The following CDH23 variants were observed in gnomAD, a reference collection of about 807,000 sequenced individuals.
CDH23 encodes the protein cadherin related 23.
A neutral mutation model predicts 317.1 loss-of-function variants in CDH23; 189 were observed. The ratio of observed to expected loss-of-function variants is 0.60; its 90% confidence interval spans 0.53 to 0.67. The LOEUF is 0.67. CDH23 is among the 30% of genes least tolerant of loss of function. The pLI, the probability that CDH23 is intolerant of heterozygous loss-of-function variation, is 0.00. For synonymous variants in CDH23, 1,839 were observed against 1,876.8 expected, an observed-to-expected ratio of 0.98 and a Z score of 0.52; for missense variants, 4,401 against 4,592.4, an observed-to-expected ratio of 0.96 and a Z score of 1.20.
intron 1 of CDH23, among the ~76,000 whole-genome samples, chr10:71,433,752 A>G (rs1464404456): frequency 3.6e-5 from 3 of 82,530 alleles, no homozygotes; most frequent in East Asian, 4.5e-4. Flanking sequence ...TTGCACAGCC[A>G]GATCCCCACC....
At position 71,646,585 on chromosome 10, in the gene CDH23, G is replaced by A. The variant is rs771847607; in HGVS notation, c.1417G>A (p.Val473Ile). Reference sequence around the variant, plus strand: ...GTACAACATCAGCCTGTACGAGAACGTCACCGTGGGGACCTCTGTGCTGAC... The same window carrying A: ...GTACAACATCAGCCTGTACGAGAACATCACCGTGGGGACCTCTGTGCTGAC... Reference protein sequence around the residue: ...PLYNISLYENVTVGTSVLTVL... With the variant: ...PLYNISLYENITVGTSVLTVL... Residue 473 changes from valine to isoleucine, a missense_variant, in exon 14 of 70, where the codon GTC (valine) becomes ATC (isoleucine). This residue lies in a region of CDH23 where 3,068 missense variants were observed against 3,203.3 expected (regional missense o/e 0.96). Transcript: ENST00000224721. The A allele has an allele frequency of 1.3e-5, 21 of 1,613,874 alleles. No homozygotes were observed. Among genetic ancestry groups the A allele is most frequent in the African/African-American group, 1.1e-4 (8 of 74,902 alleles).
intron 1 of CDH23, among the ~76,000 whole-genome samples, chr10:71,403,825 C>T (rs986237941): frequency 2.0e-5 from 3 of 152,044 alleles, no homozygotes; most frequent in Non-Finnish European, 2.9e-5. Context: ...CACAGTGGCT[C>T]ATGCCTGTAA....
intron 11 of CDH23, among the ~76,000 whole-genome samples, chr10:71,629,978 T>C (rs1861925716): frequency 6.6e-6 from 1 of 152,230 alleles, no homozygotes; most frequent in Non-Finnish European, 1.5e-5. Flanking sequence ...ATGATGACCT[T>C]TATGTTATAT....
chr10:71,653,306 A>G (rs981383674), intron 14 of CDH23, among the ~76,000 whole-genome samples: 1 of 152,174 alleles, frequency 6.6e-6, no homozygotes, highest in African/African-American at 2.4e-5. Flanking sequence ...GTTGAAGGCA[A>G]GCTTCAATCC....
In CDH23 at chr10:71,724,154, G is replaced by A. The variant is rs1336694014; in HGVS notation, c.3430+49G>A. The stretch of plus-strand genomic sequence containing the variant: ...GGGGGCGGTCCTCCTGCCCAGGGGA[G>A]GGCAGAGCTTCTCTAGGCTGCCAAA... On this transcript the variant is annotated intron_variant, in intron 29 of 69. Coordinates refer to ENST00000224721, the MANE Select transcript of CDH23 (RefSeq NM_022124.6). 2.7e-5 allele frequency: 42 copies of A among 1,541,736 alleles called. No homozygotes were observed. The Middle Eastern group carries it at 5.0e-4, about 18-fold the overall frequency.
chr10:71,702,692 C>T lies in CDH23; in HGVS notation c.2731C>T (p.Gln911Ter). 1 of 1,613,636 alleles carries T rather than the reference C, an allele frequency of 6.2e-7. No individual in the cohort carries two copies. The highest frequency in any genetic ancestry group is 8.5e-7 in the Non-Finnish European group (1 of 1,179,864). ...CATCCCGGCGGGGGTCTCCATCTACCAAGTGAGTCTCTATCATCTCATTCC... is the reference window on the plus strand; with the variant it reads ...CATCCCGGCGGGGGTCTCCATCTACTAAGTGAGTCTCTATCATCTCATTCC... ...EGIPAGVSIY[Q>*]VVAIDLDEGL... is the part of the protein sequence containing the mutation. Residue 911 changes from glutamine (Q) to a stop codon, truncating the protein, a stop_gained and splice_region_variant, in exon 24 of 70, where the codon CAA (glutamine) becomes TAA (stop). Transcript: ENST00000224721. LOFTEE classifies it high-confidence loss of function.
chr10:71,608,325 C>A (rs951730309), intron 9 of CDH23, among the ~76,000 whole-genome samples: 3 of 152,174 alleles, frequency 2.0e-5, no homozygotes, highest in Non-Finnish European at 4.4e-5. Context: ...CTGGGCAGGG[C>A]CAGGTGACCA....
chr10:71,514,535 CT>C lies in CDH23; in HGVS notation c.429+3325del, dbSNP rs141300074. Among the ~76,000 whole-genome samples the C allele has an allele frequency of 5.6e-3, 849 of 152,312 alleles. 38 individuals are homozygous for C. In the East Asian group the frequency reaches 0.12, roughly 22 times the overall value. On this transcript the variant is annotated intron_variant, in intron 6 of 69. Transcript: ENST00000224721. ...GGCATTGCCCCGCTGCCTGCCTCTCCTTGGCCCCCACTCCCTCTGAAAGCCT... is the reference window on the plus strand; with the variant it reads ...GGCATTGCCCCGCTGCCTGCCTCTCCTGGCCCCCACTCCCTCTGAAAGCCT...
At position 71,803,246 on chromosome 10, in the gene CDH23, C is replaced by A; in HGVS notation, c.7698C>A (p.Thr2566=). ...FHVDMDSGLV[T]TQRPLQSYEK... is the part of the protein sequence containing the mutation. ...TGGACATGGACTCGGGCTTGGTGAC[C>A]ACACAGCGGCCACTGCAGTCCTACG... Residue 2566 remains threonine, a synonymous_variant, in exon 55 of 70, where the codon ACC becomes ACA. Transcript: ENST00000224721. 1 of 1,599,876 alleles carries A rather than the reference C, an allele frequency of 6.3e-7. No individual in the cohort carries two copies. The highest frequency in any genetic ancestry group is 8.5e-7 in the Non-Finnish European group (1 of 1,172,676).
chr10:71,732,705 G>A, intron 32 of CDH23: 1 of 1,286,104 alleles, frequency 7.8e-7, no homozygotes, highest in South Asian at 2.0e-5. Flanking sequence ...GTAGGAGTAA[G>A]ATAAAGTTTA....
At chr10:71,702,459 C>A in intron 23 of CDH23, 90 bp from the exon 24 acceptor site, 1 of 1,523,450 alleles carries the variant, frequency 6.6e-7, no homozygotes, top group Non-Finnish European at 9.0e-7. Context: ...CTGAATCTGC[C>A]ACCCTCTCAC....
At chr10:71,443,510 G>A (rs1849999781) in intron 2 of CDH23, among the ~76,000 whole-genome samples, 2 of 152,252 alleles carry the variant, frequency 1.3e-5, no homozygotes, top group Admixed American at 1.3e-4. Flanking sequence ...CCCTTAGGGT[G>A]CTAGAACTAA....
At chr10:71,799,084 A>G (rs768264089) in intron 50 of CDH23, 27 bp from the exon 51 acceptor site, 1 of 1,599,318 alleles carries the variant, frequency 6.3e-7, no homozygotes, top group South Asian at 1.1e-5. Context: ...AGTGGCCAAA[A>G]TGGCAGTGGG....
Position 71,576,007 on chromosome 10 carries a change from T to G in CDH23, c.754-1907T>G, listed in dbSNP as rs184654288. Reference sequence around the variant, plus strand: ...TCGTAGAAGCTCGGGTATGACTCTTTTAGGAAGAGTCCCCATTGTCCTCCT... The same window carrying G: ...TCGTAGAAGCTCGGGTATGACTCTTGTAGGAAGAGTCCCCATTGTCCTCCT... On this transcript the variant is annotated intron_variant, in intron 8 of 69. Transcript: ENST00000224721. 2.4e-4 allele frequency among the ~76,000 whole-genome samples: 36 copies of G among 152,306 alleles called. No homozygotes were observed. The East Asian group carries it at 6.8e-3, about 29-fold the overall frequency.
rs191416767 is a variant in CDH23 at position 71,463,261 on chromosome 10, C to T, written c.145+16866C>T. On this transcript the variant is annotated intron_variant, in intron 3 of 69. Coordinates refer to ENST00000224721, the MANE Select transcript of CDH23 (RefSeq NM_022124.6). ...TGCCCGGGAGCCCAAGGGTGCCTGT[C>T]CCTGCTCCAGCCTGGTACCCTCATT... 3.6e-4 allele frequency among the ~76,000 whole-genome samples: 55 copies of T among 152,334 alleles called. No individual in the cohort carries two copies. The East Asian group carries it at 8.1e-3, about 22-fold the overall frequency.
intron 3 of CDH23, among the ~76,000 whole-genome samples, chr10:71,489,668 TGAGA>T (rs1054084142): frequency 7.3e-5 from 11 of 151,276 alleles, no homozygotes; most frequent in African/African-American, 2.7e-4. Context: ...TTTGGTTGGT[TGAGA>T]GAGTGATTCT....
intron 22 of CDH23, 44 bp downstream of exon 22, chr10:71,695,569 A>G: frequency 7.2e-7 from 1 of 1,391,950 alleles, no homozygotes. Context: ...GGCCCTTCCC[A>G]GGGGTCTGTG....
chr10:71,767,528 T>A (rs758474320), intron 38 of CDH23, among the ~76,000 whole-genome samples: 5 of 152,064 alleles, frequency 3.3e-5, no homozygotes, highest in Non-Finnish European at 7.4e-5. Flanking sequence ...TGGTTCCAGC[T>A]CCCCGCCAGG....
At chr10:71,701,546 T>C (rs1007300523) in intron 22 of CDH23, among the ~76,000 whole-genome samples, 2 of 151,982 alleles carry the variant, frequency 1.3e-5, no homozygotes, top group Admixed American at 6.5e-5. Flanking sequence ...CTGCCCCTTA[T>C]CAGGGACCAT....
Sources: gnomAD v4.1 joint callset for allele counts (sites outside exome capture counted in the v4.1 genomes callset) on GRCh38, gnomAD v4.1.1 for gene constraint, gnomAD v4.1.1 regional missense constraint, MANE v1.5 for transcripts, NCBI Gene and HGNC (gene_info 2026-07-23, HGNC 2026-07-21) for gene names.